Variants in SSH2 observed in about 807,000 individuals in gnomAD.
SSH2 encodes the protein protein phosphatase Slingshot homolog 2.
Under a neutral mutation model 135.2 loss-of-function variants are expected in SSH2, and 37 were observed. That is an observed-to-expected ratio of 0.27 (90% CI 0.21 to 0.36). The LOEUF (loss-of-function observed/expected upper bound fraction) is 0.36. Among genes scored for constraint, SSH2 ranks in the 10% least tolerant of loss-of-function variants. The probability of loss-of-function intolerance (pLI) is 1.00; values close to 1 mark genes in which losing one functional copy is unlikely to be tolerated. For missense variants in SSH2, 1,408 were observed against 1,765.3 expected (o/e 0.80, Z 3.63); for synonymous variants, 628 against 646.2 (o/e 0.97, Z 0.43).
chr17:29,927,063 A>G (rs2067081338), intron 1 of SSH2, among the ~76,000 whole-genome samples: 3 of 152,214 alleles, frequency 2.0e-5, no homozygotes. Flanking sequence ...GATAAGAGCA[A>G]CTTCCCTAAG....
intron 4 of SSH2, 76 bp from the exon 5 acceptor site, chr17:29,695,599 G>T: frequency 7.5e-7 from 1 of 1,336,428 alleles, no homozygotes; most frequent in Admixed American, 2.1e-5. Flanking sequence ...CTACTTTAGT[G>T]ACTTTTGTAA....
chr17:29,808,615 T>C (rs1210899518), intron 2 of SSH2, among the ~76,000 whole-genome samples: 1 of 152,234 alleles, frequency 6.6e-6, no homozygotes. Context: ...ACCACCCAAG[T>C]TGATGTCTAA....
chr17:29,727,658 AC>A (rs1465436408), intron 3 of SSH2, among the ~76,000 whole-genome samples: 1 of 152,058 alleles, frequency 6.6e-6, no homozygotes, highest in African/African-American at 2.4e-5. Context: ...TTTGCTTCTT[AC>A]CTCTCTTCTA....
At chr17:29,858,109 T>C (rs1463832484) in intron 1 of SSH2, among the ~76,000 whole-genome samples, 3 of 152,236 alleles carry the variant, frequency 2.0e-5, no homozygotes, top group Non-Finnish European at 1.5e-5. Context: ...TGGCATTTTG[T>C]TTATCCATTC....
intron 1 of SSH2, 88 bp downstream of exon 1, chr17:29,929,850 G>T: frequency 1.6e-6 from 2 of 1,280,096 alleles, no homozygotes; most frequent in Non-Finnish European, 2.2e-6. Context: ...GGCGCGGCGC[G>T]TGCGCAGTGG....
intron 3 of SSH2, among the ~76,000 whole-genome samples, chr17:29,718,553 G>A (rs2039705963): frequency 6.6e-6 from 1 of 151,982 alleles, no homozygotes; most frequent in South Asian, 2.1e-4. Context: ...CTAACACGGT[G>A]AAACCTTGTC....
At chr17:29,779,040 TA>T (rs756805176) in intron 3 of SSH2, among the ~76,000 whole-genome samples, 12 of 152,070 alleles carry the variant, frequency 7.9e-5, no homozygotes, top group Non-Finnish European at 1.3e-4. Context: ...GAATAACATC[TA>T]GGGGGGAAAA....
chr17:29,683,445 C>T (rs542610685), intron 6 of SSH2, among the ~76,000 whole-genome samples: 39 of 152,138 alleles, frequency 2.6e-4, no homozygotes, highest in Admixed American at 4.6e-4. Flanking sequence ...TCCCGTACCA[C>T]CCCATCCCCG....
chr17:29,928,119 G>A (rs1476333773), intron 1 of SSH2, among the ~76,000 whole-genome samples: 2 of 152,076 alleles, frequency 1.3e-5, no homozygotes, highest in Non-Finnish European at 2.9e-5. Context: ...CTATAGTACT[G>A]ATTTCTAGTT....
intron 1 of SSH2, among the ~76,000 whole-genome samples, chr17:29,886,832 C>T (rs1409669910): frequency 1.3e-5 from 2 of 151,890 alleles, no homozygotes; most frequent in Non-Finnish European, 2.9e-5. Flanking sequence ...AAATTCAAGC[C>T]TGCTGAAGAA....
At chr17:29,819,851 G>C (rs2151340464) in intron 2 of SSH2, among the ~76,000 whole-genome samples, 1 of 152,276 alleles carries the variant, frequency 6.6e-6, no homozygotes, top group African/African-American at 2.4e-5. Context: ...AAAATATTCA[G>C]ATCTGATCCT....
intron 1 of SSH2, among the ~76,000 whole-genome samples, chr17:29,873,696 C>T (rs2065977689): frequency 6.6e-6 from 1 of 152,182 alleles, no homozygotes; most frequent in African/African-American, 2.4e-5. Context: ...TCAACTTTTA[C>T]TATTGATATA....
chr17:29,853,224 C>A (rs2065598186), intron 1 of SSH2, among the ~76,000 whole-genome samples: 1 of 151,182 alleles, frequency 6.6e-6, no homozygotes, highest in African/African-American at 2.4e-5. Context: ...GTAGCTGGGA[C>A]TACAGGTGCA....
intron 3 of SSH2, among the ~76,000 whole-genome samples, chr17:29,750,787 G>A (rs756261973): frequency 3.3e-5 from 5 of 151,300 alleles, no homozygotes; most frequent in South Asian, 4.2e-4. Context: ...AAGCTGAGGC[G>A]GGCAGATCAC....
At chr17:29,649,896 C>A (rs1268766697) in intron 13 of SSH2, among the ~76,000 whole-genome samples, 1 of 152,120 alleles carries the variant, frequency 6.6e-6, no homozygotes, top group Admixed American at 6.5e-5. Flanking sequence ...AACTTCCTGA[C>A]CGTGAAGGTC....
intron 5 of SSH2, among the ~76,000 whole-genome samples, chr17:29,694,005 G>C (rs536045513): frequency 6.6e-6 from 1 of 152,302 alleles, no homozygotes; most frequent in South Asian, 2.1e-4. Flanking sequence ...CAGGCAGCAA[G>C]CTTGTGCAAC....
intron 5 of SSH2, among the ~76,000 whole-genome samples, chr17:29,686,929 C>T (rs767597133): frequency 1.3e-5 from 2 of 152,218 alleles, no homozygotes; most frequent in African/African-American, 4.8e-5. Flanking sequence ...CCCACCTCAG[C>T]CTCCCAAAGT....
At chr17:29,851,320 G>A (rs868556731) in intron 1 of SSH2, among the ~76,000 whole-genome samples, 1 of 152,038 alleles carries the variant, frequency 6.6e-6, no homozygotes, top group African/African-American at 2.4e-5. Context: ...AGAGAGGCTG[G>A]GCACGGTGGC....
rs529676454 is a variant in SSH2, at chr17:29,803,394, G to A, written c.145-9457C>T. On this transcript the variant is annotated intron_variant, in intron 2 of 15. Transcript: ENST00000540801. ...ATGGGTGGAAAGCTGGGCTCAACTG[G>A]AAATGTAAACTGGAGTGCCTAAACA... Among the ~76,000 whole-genome samples, 8 of 152,250 alleles carry A rather than the reference G, an allele frequency of 5.3e-5. No homozygotes were observed. In the South Asian group the frequency reaches 1.7e-3, roughly 32 times the overall value.
Sources: gnomAD v4.1 joint callset for allele counts (sites outside exome capture counted in the v4.1 genomes callset) on GRCh38, gnomAD v4.1.1 for gene constraint, MANE v1.5 for transcripts, NCBI Gene and HGNC (gene_info 2026-07-23, HGNC 2026-07-21) for gene names.